The following DNAJC1 variants were observed in gnomAD, a reference collection of about 807,000 sequenced individuals.
DNAJC1 encodes the protein dnaJ homolog subfamily C member 1.
DNAJC1 carries 58 observed loss-of-function variants against 76.6 expected under a neutral mutation model. The observed-to-expected ratio is 0.76, with a 90% confidence interval of 0.61 to 0.94. The LOEUF is 0.94. Ranked by LOEUF, DNAJC1 falls within the 40% of genes least tolerant of loss-of-function variation. The pLI is 0.00. For synonymous variants in DNAJC1, 258 were observed against 267.9 expected (o/e 0.96, Z 0.36); for missense variants, 689 against 677.3 (o/e 1.02, Z -0.19).
intron 1 of DNAJC1, among the ~76,000 whole-genome samples, chr10:21,997,996 T>C (rs1488082010): frequency 2.0e-5 from 3 of 152,180 alleles, no homozygotes; most frequent in African/African-American, 4.8e-5. Flanking sequence ...TGTCATTATT[T>C]CAATTCACAG....
At chr10:21,831,988 C>G (rs1172951073) in intron 8 of DNAJC1, among the ~76,000 whole-genome samples, 3 of 151,820 alleles carry the variant, frequency 2.0e-5, no homozygotes, top group Non-Finnish European at 4.4e-5. Flanking sequence ...CCTGTGATTT[C>G]CAGGTGCAAT....
At chr10:21,958,118 A>G (rs991279473) in intron 1 of DNAJC1, among the ~76,000 whole-genome samples, 1 of 152,204 alleles carries the variant, frequency 6.6e-6, no homozygotes, top group Non-Finnish European at 1.5e-5. Flanking sequence ...ATTTTAAAAC[A>G]GAAACATATA....
At chr10:21,897,648 C>A (rs1836565220) in intron 7 of DNAJC1, among the ~76,000 whole-genome samples, 1 of 152,178 alleles carries the variant, frequency 6.6e-6, no homozygotes, top group South Asian at 2.1e-4. Context: ...ATTACAAAAC[C>A]ATCCCCCACT....
intron 11 of DNAJC1, 33 bp from the exon 12 acceptor site, chr10:21,756,788 T>A: frequency 6.2e-7 from 1 of 1,603,212 alleles, no homozygotes. Context: ...GTGAGAACAG[T>A]CACTTGCACA....
chr10:21,979,644 T>A (rs1262556543), intron 1 of DNAJC1, among the ~76,000 whole-genome samples: 2 of 151,790 alleles, frequency 1.3e-5, no homozygotes, highest in East Asian at 1.9e-4. Flanking sequence ...CTGGATAAAG[T>A]AAGAAATAAT....
intron 9 of DNAJC1, among the ~76,000 whole-genome samples, chr10:21,772,065 G>A (rs1040447543): frequency 6.6e-6 from 1 of 152,152 alleles, no homozygotes; most frequent in Non-Finnish European, 1.5e-5. Flanking sequence ...CTGAGGAGCT[G>A]CAACTACAGT....
At chr10:21,994,182 T>C (rs1022528165) in intron 1 of DNAJC1, among the ~76,000 whole-genome samples, 2 of 152,208 alleles carry the variant, frequency 1.3e-5, no homozygotes, top group East Asian at 1.9e-4. Context: ...CTGTTAGCTA[T>C]AGCCAAAAAT....
intron 9 of DNAJC1, among the ~76,000 whole-genome samples, chr10:21,784,851 G>A (rs943297783): frequency 1.3e-5 from 2 of 151,812 alleles, no homozygotes; most frequent in Non-Finnish European, 2.9e-5. Context: ...ACTGAACAAT[G>A]AGAACACTTG....
chr10:21,786,441 TATATATATATATATATATATATAG>T (rs1834608634), intron 9 of DNAJC1, among the ~76,000 whole-genome samples: 1 of 77,216 alleles, frequency 1.3e-5, no homozygotes, highest in African/African-American at 5.3e-5. Context: ...TATATATATA[TATATATATATATATATATATATAG>T]AGAGAGAGAG....
chr10:21,824,783 T>C (rs1835219874), intron 8 of DNAJC1, among the ~76,000 whole-genome samples: 1 of 152,166 alleles, frequency 6.6e-6, no homozygotes, highest in Non-Finnish European at 1.5e-5. Context: ...TTTATTACTA[T>C]TATTTTTGAG....
chr10:21,797,955 C>A (rs1436602664), intron 9 of DNAJC1, among the ~76,000 whole-genome samples: 1 of 152,130 alleles, frequency 6.6e-6, no homozygotes, highest in Non-Finnish European at 1.5e-5. Context: ...GAAAAAAATT[C>A]AAAGACAAAT....
chr10:21,832,740 C>T (rs1056369760), intron 8 of DNAJC1, among the ~76,000 whole-genome samples: 1 of 152,188 alleles, frequency 6.6e-6, no homozygotes, highest in Admixed American at 6.5e-5. Context: ...CTTCTCTTCC[C>T]TTTGATCTTA....
intron 6 of DNAJC1, among the ~76,000 whole-genome samples, chr10:21,911,404 T>C (rs760823822): frequency 2.0e-5 from 3 of 152,156 alleles, no homozygotes; most frequent in Non-Finnish European, 4.4e-5. Context: ...GAATTACATA[T>C]AATATGCAAT....
chr10:21,966,072 G>T (rs1010216298), intron 1 of DNAJC1, among the ~76,000 whole-genome samples: 2 of 152,146 alleles, frequency 1.3e-5, no homozygotes, highest in Admixed American at 1.3e-4. Flanking sequence ...GTACCAGTGA[G>T]TTAGTTGTGA....
intron 8 of DNAJC1, among the ~76,000 whole-genome samples, chr10:21,816,493 A>G (rs1835078798): frequency 6.7e-6 from 1 of 150,196 alleles, no homozygotes; most frequent in Non-Finnish European, 1.5e-5. Flanking sequence ...GATTCACTTG[A>G]GCACAGGAGC....
chr10:21,812,144 T>C (rs1001491462), intron 8 of DNAJC1, among the ~76,000 whole-genome samples: 1 of 151,876 alleles, frequency 6.6e-6, no homozygotes, highest in African/African-American at 2.4e-5. Context: ...CTGCAACCTC[T>C]GCCTCCCAAA....
At chr10:21,833,581 T>C (rs1329766574) in intron 8 of DNAJC1, among the ~76,000 whole-genome samples, 1 of 152,226 alleles carries the variant, frequency 6.6e-6, no homozygotes, top group Non-Finnish European at 1.5e-5. Flanking sequence ...TGGGAGAATT[T>C]ACCTTGCCTC....
intron 8 of DNAJC1, among the ~76,000 whole-genome samples, chr10:21,830,730 C>G (rs1835343645): frequency 6.6e-6 from 1 of 152,142 alleles, no homozygotes; most frequent in South Asian, 2.1e-4. Flanking sequence ...TGTCTCTTAA[C>G]TATTCCTATA....
intron 11 of DNAJC1, among the ~76,000 whole-genome samples, chr10:21,757,882 C>T (rs1309621949): frequency 6.6e-6 from 1 of 152,160 alleles, no homozygotes; most frequent in African/African-American, 2.4e-5. Context: ...TTCCAGCCCC[C>T]CAGGTATGAG....
Sources: allele counts gnomAD v4.1 joint callset (sites outside exome capture counted in the v4.1 genomes callset), GRCh38; gene constraint gnomAD v4.1.1; transcripts MANE v1.5; gene names NCBI Gene and HGNC (gene_info 2026-07-23, HGNC 2026-07-21).